Variants in NHS observed in about 807,000 individuals in gnomAD.
NHS encodes NHS actin remodeling regulator, also known as actin remodeling regulator NHS.
A neutral mutation model predicts 72.5 loss-of-function variants in NHS; 5 were observed. That is an observed-to-expected ratio of 0.07 (90% CI 0.04 to 0.14). NHS has a LOEUF of 0.14. Ranked by LOEUF, NHS falls within the 10% of genes least tolerant of loss-of-function variation. The pLI is 1.00. For synonymous variants in NHS, 464 were observed against 547.7 expected (o/e 0.85, Z 2.13); for missense variants, 1,072 against 1,355.7 (o/e 0.79, Z 3.29).
At chrX:17,547,664 G>A (rs2065300459) in intron 1 of NHS, among the ~76,000 whole-genome samples, 1 of 112,857 alleles carries the variant, frequency 8.9e-6, no homozygotes, top group African/African-American at 3.2e-5. Context: ...ATCTGAGTTG[G>A]GAAAAATGAG....
rs748064561 is a variant in NHS at position 17,725,352 on chromosome X, G to C, written c.1246G>C (p.Asp416His). 1.6e-5 allele frequency: 19 copies of C among 1,204,733 alleles called. No homozygotes were observed. The highest frequency in any genetic ancestry group is 2.1e-5 in the Non-Finnish European group (19 of 891,288). Residue 416 changes from aspartate (D) to histidine (H), a missense_variant, in exon 7 of 9, where the codon GAT becomes CAT. By Grantham distance (81) the Asp-to-His change is moderately conservative (BLOSUM62 -1). Coordinates refer to ENST00000676302, the MANE Select transcript of NHS (RefSeq NM_001291867.2). Reference sequence around the variant, plus strand: ...GTGCTTTCCATGTGCCCTAGATTCTGATGAATCACCAGTGGCCAGGGAAAG... The same window carrying C: ...GTGCTTTCCATGTGCCCTAGATTCTCATGAATCACCAGTGGCCAGGGAAAG... The part of the protein sequence containing the change: ...PRRVQQEIDS[D>H]ESPVARERNV...
intron 1 of NHS, among the ~76,000 whole-genome samples, chrX:17,492,127 A>G (rs1200755144): frequency 1.8e-5 from 2 of 109,598 alleles, no homozygotes; most frequent in African/African-American, 3.3e-5. Flanking sequence ...TCATGTCTCT[A>G]TCTCCTTCAG....
chrX:17,597,686 A>C (rs775920210), intron 1 of NHS, among the ~76,000 whole-genome samples: 9 of 110,675 alleles, frequency 8.1e-5, no homozygotes, highest in Non-Finnish European at 1.7e-4. Flanking sequence ...TTAGAGGGTG[A>C]GTTAAACTTC....
chrX:17,524,238 A>G (rs1050891813), intron 1 of NHS, among the ~76,000 whole-genome samples: 2 of 111,971 alleles, frequency 1.8e-5, no homozygotes, highest in Admixed American at 9.5e-5. Context: ...ACACTAATTC[A>G]TGTTCATATA....
intron 1 of NHS, among the ~76,000 whole-genome samples, chrX:17,649,041 A>G (rs776716006): frequency 3.9e-4 from 44 of 112,113 alleles, no homozygotes; most frequent in Non-Finnish European, 6.8e-4. Flanking sequence ...TAGTGGGCAT[A>G]GTGATTCTTT....
chrX:17,566,973 A>G lies in NHS; in HGVS notation c.566-120769A>G, dbSNP rs373327150. ...TACCTCTCAGAGTTACATTATAATC[A>G]CTATTCATCTGCCTGTCAAGCTGAG... On this transcript the variant is annotated intron_variant, in intron 1 of 8. Coordinates refer to ENST00000676302, the MANE Select transcript of NHS (RefSeq NM_001291867.2). Among the ~76,000 whole-genome samples the G allele has an allele frequency of 1.7e-3, 190 of 111,585 alleles. 1 individual carries two copies. The highest frequency in any genetic ancestry group is 6.0e-3 in the African/African-American group (185 of 30,744).
At chrX:17,567,742 GAGAA>G (rs989138531) in intron 1 of NHS, among the ~76,000 whole-genome samples, 10 of 108,899 alleles carry the variant, frequency 9.2e-5, no homozygotes, top group South Asian at 4.1e-4. Flanking sequence ...GAAGAAGAGA[GAGAA>G]AGAGAGAAGG....
intron 1 of NHS, among the ~76,000 whole-genome samples, chrX:17,571,742 CT>C (rs2065479856): frequency 9.0e-6 from 1 of 111,624 alleles, no homozygotes; most frequent in African/African-American, 3.3e-5. Context: ...TTCTCTAGTT[CT>C]TTTAATTGTG....
At chrX:17,658,267 G>A (rs1384752174) in intron 1 of NHS, among the ~76,000 whole-genome samples, 2 of 112,440 alleles carry the variant, frequency 1.8e-5, no homozygotes, top group Non-Finnish European at 3.8e-5. Context: ...TGATTTGGTT[G>A]GATGATAGGA....
intron 1 of NHS, among the ~76,000 whole-genome samples, chrX:17,553,281 C>T (rs2065345736): frequency 8.9e-6 from 1 of 112,886 alleles, no homozygotes; most frequent in African/African-American, 3.2e-5. Context: ...AGGCCCTGCC[C>T]TCCCAGTGGG....
chrX:17,620,902 T>C (rs1263722268), intron 1 of NHS, among the ~76,000 whole-genome samples: 1 of 108,007 alleles, frequency 9.3e-6, no homozygotes, highest in African/African-American at 3.4e-5. Flanking sequence ...AAGGAAGGAG[T>C]TGGGGTGAGA....
chrX:17,451,521 A>G (rs1459844594), intron 1 of NHS, among the ~76,000 whole-genome samples: 1 of 112,216 alleles, frequency 8.9e-6, no homozygotes, highest in African/African-American at 3.2e-5. Context: ...TGACTTTTCT[A>G]TTAGGTCCGT....
At chrX:17,483,588 G>A (rs976411041) in intron 1 of NHS, among the ~76,000 whole-genome samples, 3 of 111,834 alleles carry the variant, frequency 2.7e-5, no homozygotes, top group Middle Eastern at 4.6e-3. Flanking sequence ...TTCTCTGAAC[G>A]TACATTATTC....
At chrX:17,582,767 G>A (rs1380769523) in intron 1 of NHS, among the ~76,000 whole-genome samples, 2 of 112,723 alleles carry the variant, frequency 1.8e-5, no homozygotes, top group Non-Finnish European at 3.8e-5. Flanking sequence ...CTTGGCCTTC[G>A]TGTGCCTCAG....
chrX:17,723,770 T>TGTGTGCGTGCGCGC (rs541219770), intron 5 of NHS, among the ~76,000 whole-genome samples: 1 of 91,337 alleles, frequency 1.1e-5, no homozygotes, highest in Non-Finnish European at 2.1e-5. Flanking sequence ...TGTGTGTGTG[T>TGTGTGCGTGCGCGC]GCGCGCGCGT....
intron 1 of NHS, among the ~76,000 whole-genome samples, chrX:17,410,108 A>G (rs928101476): frequency 1.8e-5 from 2 of 111,021 alleles, no homozygotes; most frequent in African/African-American, 3.3e-5. Context: ...ATAAATAACA[A>G]TAGCCTCAAA....
At chrX:17,621,291 C>T (rs994870138) in intron 1 of NHS, among the ~76,000 whole-genome samples, 15 of 112,121 alleles carry the variant, frequency 1.3e-4, no homozygotes, top group Non-Finnish European at 2.8e-4. Flanking sequence ...ACCTCTGAGA[C>T]AGGAAGCTCC....
rs192765109 is a variant in NHS at position 17,380,608 on chromosome X, A to G, written c.565+4286A>G. 1.1e-3 allele frequency among the ~76,000 whole-genome samples: 120 copies of G among 111,634 alleles called. 1 individual carries two copies. The highest frequency in any genetic ancestry group is 3.8e-3 in the African/African-American group (116 of 30,653). On this transcript the variant is annotated intron_variant, in intron 1 of 8. Transcript: ENST00000676302. ...GCTGAAGCAGTCCTCACGCCTCCCA[A>G]AGTGCTGGGATTACAGGCGTGAGCC...
chrX:17,635,361 C>T, intron 1 of NHS: 2 of 1,117,778 alleles, frequency 1.8e-6, no homozygotes, highest in Non-Finnish European at 2.4e-6. Context: ...AGACCATCTC[C>T]CCCTCCAGGG....
Sources: allele counts gnomAD v4.1 joint callset (sites outside exome capture counted in the v4.1 genomes callset), GRCh38; gene constraint gnomAD v4.1.1; transcripts MANE v1.5; gene names NCBI Gene and HGNC (gene_info 2026-07-23, HGNC 2026-07-21).